The following FOXO3 variants were observed in gnomAD, a reference collection of about 807,000 sequenced individuals.
FOXO3 encodes the protein forkhead box protein O3.
In FOXO3, 4 loss-of-function variants were observed where a neutral mutation model predicts 41.9. That is an observed-to-expected ratio of 0.10 (90% CI 0.05 to 0.22). The LOEUF (loss-of-function observed/expected upper bound fraction) is 0.22, where lower values mean the gene tolerates loss of function less well. Ranked by LOEUF, FOXO3 falls within the 10% of genes least tolerant of loss-of-function variation. The pLI, the probability that FOXO3 is intolerant of heterozygous loss-of-function variation, is 1.00. For synonymous variants in FOXO3, 318 were observed against 389.3 expected, an observed-to-expected ratio of 0.82 and a Z score of 2.16; for missense variants, 534 against 906.8, an observed-to-expected ratio of 0.59 and a Z score of 5.28.
At chr6:108,609,991 C>G (rs1777315056) in intron 1 of FOXO3, among the ~76,000 whole-genome samples, 1 of 152,086 alleles carries the variant, frequency 6.6e-6, no homozygotes, top group South Asian at 2.1e-4. Flanking sequence ...AAACCTGTCA[C>G]CACTCCTCTT....
At chr6:108,594,039 G>A (rs11153118) in intron 1 of FOXO3, among the ~76,000 whole-genome samples, 302 of 152,064 alleles carry the variant, frequency 2.0e-3, no homozygotes, top group Admixed American at 8.1e-3. Context: ...ATTTCTTTTG[G>A]ACATCTTTTG....
At position 108,683,747 on chromosome 6, in the gene FOXO3, C is replaced by G. The variant is rs1462649200; in HGVS notation, c.*3955C>G. On this transcript the variant is annotated 3_prime_UTR_variant, in exon 3 of 3. Transcript: ENST00000406360. ...AAGCAAAAAGGAAACCCTAACAGCT[C>G]TGAACTCTGGTTTTATTTTTCTTGC... The G allele has an allele frequency of 2.6e-5, 4 of 151,608 alleles. No individual in the cohort carries two copies. Among genetic ancestry groups the G allele is most frequent in the African/African-American group, 9.7e-5 (4 of 41,342 alleles). 9.4% of individuals were successfully genotyped at this position (151,608 alleles called of 1,614,324 possible).
At chr6:108,562,338 A>G (rs1775828099) in intron 1 of FOXO3, among the ~76,000 whole-genome samples, 2 of 152,074 alleles carry the variant, frequency 1.3e-5, no homozygotes, top group African/African-American at 4.8e-5. Context: ...TCCAAGTTTC[A>G]GCTTGTGGGT....
chr6:108,651,151 C>T (rs887456926), intron 1 of FOXO3, among the ~76,000 whole-genome samples: 2 of 152,302 alleles, frequency 1.3e-5, no homozygotes, highest in East Asian at 1.9e-4. Context: ...TTGACTGCAT[C>T]GTACTCTTTA....
chr6:108,575,673 G>A (rs1408469343), intron 1 of FOXO3, among the ~76,000 whole-genome samples: 1 of 152,114 alleles, frequency 6.6e-6, no homozygotes, highest in Non-Finnish European at 1.5e-5. Flanking sequence ...AATTGGATAC[G>A]GGTTTTTGTT....
chr6:108,562,106 G>T (rs1299140257), intron 1 of FOXO3, among the ~76,000 whole-genome samples: 1 of 152,128 alleles, frequency 6.6e-6, no homozygotes, highest in East Asian at 1.9e-4. Flanking sequence ...GAACGGACAG[G>T]AGTACATTTG....
chr6:108,668,198 C>T (rs149797576), intron 2 of FOXO3, among the ~76,000 whole-genome samples: 10 of 152,286 alleles, frequency 6.6e-5, no homozygotes, highest in African/African-American at 2.4e-4. Flanking sequence ...GAATCTGAGC[C>T]GCCTTGTGTT....
chr6:108,581,960 A>AT (rs899542712), intron 1 of FOXO3, among the ~76,000 whole-genome samples: 4 of 151,856 alleles, frequency 2.6e-5, no homozygotes, highest in African/African-American at 7.3e-5. Context: ...AAGTGTCTCC[A>AT]TTTTTTTTCT....
In FOXO3 at chr6:108,684,363, G is replaced by T. The variant is rs1770984418; in HGVS notation, c.*4571G>T. 6.6e-6 allele frequency: 1 copy of T among 152,158 alleles called. No homozygotes were observed. Among genetic ancestry groups the T allele is most frequent in the African/African-American group, 2.4e-5 (1 of 41,404 alleles). The allele number at this position is 152,158 out of a possible 1,614,324, so 9.4% of individuals were successfully genotyped here. A position where few individuals can be genotyped will look rare whatever the true frequency, so the allele number is the denominator to read the frequency against. ...GTTGCATGAATGGAAAAAAAAATCT[G>T]TATACAGTATCTGTAAAAACTATCT... On this transcript the variant is annotated 3_prime_UTR_variant, in exon 3 of 3. Transcript: ENST00000406360.
At chr6:108,678,887 T>TTTTTTTTTCTGAGACGGAG (rs1770730069) in intron 2 of FOXO3, among the ~76,000 whole-genome samples, 1 of 126,498 alleles carries the variant, frequency 7.9e-6, no homozygotes. Flanking sequence ...TTTTTTTTTT[T>TTTTTTTTTCTGAGACGGAG]TTTTGAGACG....
intron 1 of FOXO3, among the ~76,000 whole-genome samples, chr6:108,628,984 C>A (rs1012419055): frequency 2.0e-5 from 3 of 152,060 alleles, no homozygotes; most frequent in Admixed American, 6.6e-5. Flanking sequence ...TCTGACAGAC[C>A]TGGGCTCTAG....
intron 1 of FOXO3, among the ~76,000 whole-genome samples, chr6:108,584,822 C>A (rs1032171763): frequency 6.6e-6 from 1 of 151,906 alleles, no homozygotes; most frequent in Admixed American, 6.6e-5. Context: ...GATAGCCTTT[C>A]CTAAGGAGCT....
chr6:108,568,909 G>A (rs1776017242), intron 1 of FOXO3, among the ~76,000 whole-genome samples: 1 of 151,974 alleles, frequency 6.6e-6, no homozygotes, highest in African/African-American at 2.4e-5. Flanking sequence ...AAGGAAGCCT[G>A]ATCTTGGGAT....
intron 1 of FOXO3, among the ~76,000 whole-genome samples, chr6:108,592,025 G>A (rs376067094): frequency 6.6e-6 from 1 of 152,306 alleles, no homozygotes; most frequent in East Asian, 1.9e-4. Context: ...CTGAACAGGA[G>A]AGTAACTATT....
chr6:108,669,151 C>T (rs2128389481), intron 2 of FOXO3, among the ~76,000 whole-genome samples: 1 of 152,224 alleles, frequency 6.6e-6, no homozygotes, highest in African/African-American at 2.4e-5. Context: ...AACTTGAACC[C>T]TAACATTTTG....
chr6:108,655,322 A>G (rs1425513715), intron 1 of FOXO3, among the ~76,000 whole-genome samples: 7 of 152,202 alleles, frequency 4.6e-5, no homozygotes, highest in African/African-American at 1.7e-4. Context: ...TTCTGCACAT[A>G]AAATCACAGC....
chr6:108,669,991 G>A (rs983021650), intron 2 of FOXO3, among the ~76,000 whole-genome samples: 1 of 152,170 alleles, frequency 6.6e-6, no homozygotes, highest in African/African-American at 2.4e-5. Flanking sequence ...ATAATGCTCA[G>A]CAGCATCTTG....
intron 1 of FOXO3, among the ~76,000 whole-genome samples, chr6:108,621,867 G>A (rs547148224): frequency 1.1e-4 from 16 of 152,252 alleles, no homozygotes; most frequent in Non-Finnish European, 1.8e-4. Context: ...CTTGGGTCTC[G>A]TGCAGACATG....
At chr6:108,643,006 G>A (rs573492026) in intron 1 of FOXO3, among the ~76,000 whole-genome samples, 11 of 152,302 alleles carry the variant, frequency 7.2e-5, no homozygotes, top group South Asian at 2.1e-4. Context: ...AGAACATAAT[G>A]TGTATTTCAC....
Sources: gnomAD v4.1 joint callset for allele counts (sites outside exome capture counted in the v4.1 genomes callset) on GRCh38, gnomAD v4.1.1 for gene constraint, MANE v1.5 for transcripts, NCBI Gene and HGNC (gene_info 2026-07-23, HGNC 2026-07-21) for gene names.